The following KSR2 variants were observed in gnomAD, a reference collection of about 807,000 sequenced individuals.
The protein encoded by KSR2 is kinase suppressor of ras 2.
Under a neutral mutation model 107.8 loss-of-function variants are expected in KSR2, and 25 were observed. The observed-to-expected ratio is 0.23, with a 90% CI of 0.17 to 0.32. KSR2 has a LOEUF of 0.32. Ranked by LOEUF, KSR2 falls within the 10% of genes least tolerant of loss-of-function variation. The probability of loss-of-function intolerance (pLI) is 1.00; values close to 1 mark genes in which losing one functional copy is unlikely to be tolerated. For missense variants in KSR2, 887 were observed against 1,268.9 expected (o/e 0.70, Z 4.57); for synonymous variants, 480 against 507.0 (o/e 0.95, Z 0.71).
chr12:117,632,612 T>C (rs1043579425), intron 5 of KSR2, among the ~76,000 whole-genome samples: 2 of 152,082 alleles, frequency 1.3e-5, no homozygotes, highest in African/African-American at 4.8e-5. Context: ...CATGGGGGTT[T>C]GGTGTACAGA....
intron 5 of KSR2, among the ~76,000 whole-genome samples, chr12:117,587,280 G>A (rs916776420): frequency 1.3e-5 from 2 of 152,152 alleles, no homozygotes; most frequent in South Asian, 2.1e-4. Flanking sequence ...CCTGGATTAC[G>A]CGGGTGGAAC....
At chr12:117,646,090 T>G (rs1458989648) in intron 5 of KSR2, among the ~76,000 whole-genome samples, 1 of 152,154 alleles carries the variant, frequency 6.6e-6, no homozygotes, top group Non-Finnish European at 1.5e-5. Context: ...CCTAATACAA[T>G]GTAAATGTTA....
At chr12:117,782,241 C>T (rs1212988032) in intron 3 of KSR2, among the ~76,000 whole-genome samples, 1 of 152,118 alleles carries the variant, frequency 6.6e-6, no homozygotes, top group Non-Finnish European at 1.5e-5. Context: ...AGCTGAATAT[C>T]TTATTATCAA....
chr12:117,611,325 G>C (rs1206786175), intron 5 of KSR2, among the ~76,000 whole-genome samples: 1 of 151,972 alleles, frequency 6.6e-6, no homozygotes, highest in Admixed American at 6.6e-5. Flanking sequence ...AGTCACACTG[G>C]GTGTGGCAAG....
At chr12:117,811,505 T>A (rs1891190058) in intron 3 of KSR2, among the ~76,000 whole-genome samples, 1 of 152,222 alleles carries the variant, frequency 6.6e-6, no homozygotes, top group Non-Finnish European at 1.5e-5. Flanking sequence ...ATCTGTGTTT[T>A]CACCAGCCCT....
At chr12:117,768,727 A>G (rs1157562309) in intron 3 of KSR2, among the ~76,000 whole-genome samples, 1 of 152,226 alleles carries the variant, frequency 6.6e-6, no homozygotes, top group African/African-American at 2.4e-5. Context: ...TAGAAGAGAA[A>G]AAAGGAAAAA....
intron 1 of KSR2, among the ~76,000 whole-genome samples, chr12:117,955,798 T>C (rs1161194918): frequency 6.7e-6 from 1 of 150,366 alleles, no homozygotes; most frequent in East Asian, 2.0e-4. Flanking sequence ...CTCTGTTCCA[T>C]AGCAATATAC....
chr12:117,547,963 G>C (rs1394377673), intron 9 of KSR2, among the ~76,000 whole-genome samples: 2 of 152,120 alleles, frequency 1.3e-5, no homozygotes, highest in Admixed American at 6.5e-5. Flanking sequence ...CAGGCGTGGT[G>C]GTGGGTGCCT....
At chr12:117,667,331 TG>T in intron 5 of KSR2, 142 bp downstream of exon 5, 1 of 791,612 alleles carries the variant, frequency 1.3e-6, no homozygotes, top group South Asian at 1.7e-5. Flanking sequence ...GGGCAGATGA[TG>T]GGTGAAGCTC....
chr12:117,936,536 G>T (rs556940640), intron 1 of KSR2, among the ~76,000 whole-genome samples: 382 of 82,168 alleles, frequency 4.6e-3, no homozygotes, highest in South Asian at 9.7e-3. Context: ...ATTATTATTA[G>T]TAGTAGTAGT....
At chr12:117,967,217 C>T (rs755839792) in intron 1 of KSR2, among the ~76,000 whole-genome samples, 1 of 152,028 alleles carries the variant, frequency 6.6e-6, no homozygotes, top group Non-Finnish European at 1.5e-5. Context: ...TTGCAACCAC[C>T]CTTCATCCCA....
intron 3 of KSR2, among the ~76,000 whole-genome samples, chr12:117,816,881 A>G (rs986069306): frequency 2.0e-5 from 3 of 152,236 alleles, no homozygotes; most frequent in Non-Finnish European, 4.4e-5. Context: ...TCATTAGCTC[A>G]TAAGTGGCAA....
At chr12:117,923,879 C>CTT (rs547713240) in intron 1 of KSR2, among the ~76,000 whole-genome samples, 5 of 135,496 alleles carry the variant, frequency 3.7e-5, no homozygotes, top group East Asian at 2.2e-4. Flanking sequence ...TATATATTTG[C>CTT]TTTTTTTTTT....
chr12:117,485,482 T>C, intron 15 of KSR2, 113 bp downstream of exon 15: 1 of 750,156 alleles, frequency 1.3e-6, no homozygotes, highest in South Asian at 1.6e-5. Flanking sequence ...TAAGTCCAGA[T>C]TGGTAGTCTG....
At chr12:117,778,770 C>T (rs921062) in intron 3 of KSR2, among the ~76,000 whole-genome samples, 79,217 of 152,084 alleles carry the variant, frequency 0.52, 22,322 homozygotes, top group African/African-American at 0.73. Context: ...GAGTCCACAC[C>T]AGGAAAGCCA....
intron 1 of KSR2, among the ~76,000 whole-genome samples, chr12:117,946,535 A>C (rs1387517186): frequency 6.6e-6 from 1 of 152,220 alleles, no homozygotes; most frequent in Non-Finnish European, 1.5e-5. Context: ...CACCAAGAAC[A>C]AATACACTAC....
chr12:117,770,929 A>G lies in KSR2; in HGVS notation c.473-9405T>C, dbSNP rs376063669. ...GAGGCGGAGCTTGCAGTGGGCCAAG[A>G]TCGCACCACTGCACTCCAGCCTGGG... On this transcript the variant is annotated intron_variant, in intron 3 of 19. Transcript: ENST00000339824. Among the ~76,000 whole-genome samples the G allele has an allele frequency of 2.7e-5, 4 of 148,674 alleles. No homozygotes were observed. The East Asian group carries it at 6.0e-4, about 22-fold the overall frequency.
chr12:117,707,537 C>T (rs1360074566), intron 4 of KSR2, among the ~76,000 whole-genome samples: 3 of 152,250 alleles, frequency 2.0e-5, no homozygotes, highest in East Asian at 3.9e-4. Flanking sequence ...ACTGCCTTGG[C>T]CTCTCTGAGC....
intron 7 of KSR2, among the ~76,000 whole-genome samples, chr12:117,570,330 G>C (rs1878801321): frequency 1.3e-5 from 2 of 152,158 alleles, no homozygotes; most frequent in Non-Finnish European, 2.9e-5. Context: ...GAGTGAGGAG[G>C]GGGTGCTACT....
Sources: allele counts gnomAD v4.1 joint callset (sites outside exome capture counted in the v4.1 genomes callset), GRCh38; gene constraint gnomAD v4.1.1; transcripts MANE v1.5; gene names NCBI Gene and HGNC (gene_info 2026-07-23, HGNC 2026-07-21).